CBFB: variants seen among roughly 807,000 people sequenced by gnomAD.
The protein encoded by CBFB is CBF-beta.
A neutral mutation model predicts 30.4 loss-of-function variants in CBFB; 9 were observed. That is an observed-to-expected ratio of 0.30 (90% CI 0.18 to 0.52). The LOEUF is 0.52. Among genes scored for constraint, CBFB ranks in the 20% least tolerant of loss-of-function variants. CBFB has a pLI of 0.97. For missense variants in CBFB, 170 were observed against 244.0 expected (o/e 0.70, Z 2.02); for synonymous variants, 94 against 84.0 (o/e 1.12, Z -0.65).
At chr16:67,078,181 TTG>T (rs1961459644) in intron 4 of CBFB, among the ~76,000 whole-genome samples, 1 of 152,240 alleles carries the variant, frequency 6.6e-6, no homozygotes, top group Non-Finnish European at 1.5e-5. Flanking sequence ...TAATTGCTGA[TTG>T]TCTTTCCATT....
intron 5 of CBFB, among the ~76,000 whole-genome samples, chr16:67,088,382 T>C (rs902167374): frequency 6.6e-5 from 10 of 152,224 alleles, no homozygotes; most frequent in Non-Finnish European, 2.9e-5. Flanking sequence ...TCAAACATCA[T>C]CTAATCTAAC....
At chr16:67,068,712 G>A (rs1961129874) in intron 4 of CBFB, among the ~76,000 whole-genome samples, 1 of 152,124 alleles carries the variant, frequency 6.6e-6, no homozygotes, top group South Asian at 2.1e-4. Context: ...ATACAAAGGT[G>A]AAAAAGCAAG....
intron 5 of CBFB, 109 bp from the exon 6 acceptor site, chr16:67,098,601 C>A: frequency 1.6e-6 from 1 of 619,790 alleles, no homozygotes; most frequent in Non-Finnish European, 2.9e-6. Flanking sequence ...TGGCTGAAAA[C>A]TTTTTAGTTA....
intron 3 of CBFB, among the ~76,000 whole-genome samples, chr16:67,055,357 C>CTTTCTTTTTTTTTTTTTTTTTT (rs1484285498): frequency 1.2e-4 from 10 of 81,474 alleles, no homozygotes; most frequent in African/African-American, 5.4e-4. Context: ...CAGACACTTT[C>CTTTCTTTTTTTTTTTTTTTTTT]TTTTTTTTTT....
intron 5 of CBFB, among the ~76,000 whole-genome samples, chr16:67,092,548 CAGATCTCTCAAGTACT>C (rs1450366126): frequency 6.6e-6 from 1 of 152,030 alleles, no homozygotes; most frequent in Non-Finnish European, 1.5e-5. Flanking sequence ...AGAGTTGAAT[CAGATCTCTCAAGTACT>C]TTGCCACTCT....
At chr16:67,058,600 G>T (rs1960801297) in intron 3 of CBFB, among the ~76,000 whole-genome samples, 1 of 152,130 alleles carries the variant, frequency 6.6e-6, no homozygotes, top group South Asian at 2.1e-4. Flanking sequence ...CCTGCACATA[G>T]TTAACAGGTA....
At chr16:67,075,197 ATG>A (rs57425666) in intron 4 of CBFB, among the ~76,000 whole-genome samples, 2,136 of 142,724 alleles carry the variant, frequency 0.015, 36 homozygotes, top group East Asian at 0.055. Flanking sequence ...CTCAAAAAAA[ATG>A]TGTGTGTGTG....
chr16:67,052,445 G>A (rs1161296446), intron 3 of CBFB, among the ~76,000 whole-genome samples: 1 of 151,808 alleles, frequency 6.6e-6, no homozygotes, highest in African/African-American at 2.4e-5. Flanking sequence ...GCATAGTGGG[G>A]TGTGCCTGTA....
intron 4 of CBFB, among the ~76,000 whole-genome samples, chr16:67,076,424 G>C (rs1321210064): frequency 1.3e-5 from 2 of 152,072 alleles, no homozygotes; most frequent in African/African-American, 2.4e-5. Context: ...CATGTTATAT[G>C]AATCGATTTA....
rs908580019 is a variant in CBFB, at chr16:67,059,918, C to A, written c.283-6764C>A. On this transcript the variant is annotated intron_variant, in intron 3 of 5. Transcript: ENST00000412916. Reference sequence around the variant, plus strand: ...CTTGATTTGGATATCTCATAGATATCCCTTATATGTAGCAGATAAAAATTG... The same window carrying A: ...CTTGATTTGGATATCTCATAGATATACCTTATATGTAGCAGATAAAAATTG... Among the ~76,000 whole-genome samples the A allele has an allele frequency of 5.8e-4, 88 of 152,064 alleles. 1 individual carries two copies. The highest frequency in any genetic ancestry group is 2.0e-3 in the African/African-American group (83 of 41,492).
chr16:67,088,606 C>T (rs1374481649), intron 5 of CBFB, among the ~76,000 whole-genome samples: 3 of 152,182 alleles, frequency 2.0e-5, no homozygotes, highest in Non-Finnish European at 4.4e-5. Flanking sequence ...AGATTAAGAA[C>T]CGTTTTGCCT....
chr16:67,098,342 G>T (rs992297911), intron 5 of CBFB, among the ~76,000 whole-genome samples: 1 of 152,054 alleles, frequency 6.6e-6, no homozygotes, highest in Non-Finnish European at 1.5e-5. Context: ...TCACCATTTT[G>T]GCCAGGCTGG....
chr16:67,082,111 G>T (rs1349908174), intron 4 of CBFB, 102 bp from the exon 5 acceptor site: 2 of 925,314 alleles, frequency 2.2e-6, no homozygotes, highest in Non-Finnish European at 3.0e-6. Context: ...GAGCCACTGC[G>T]CCCGGCCACT....
At chr16:67,058,314 T>C (rs1302393993) in intron 3 of CBFB, among the ~76,000 whole-genome samples, 2 of 152,200 alleles carry the variant, frequency 1.3e-5, no homozygotes, top group Non-Finnish European at 2.9e-5. Context: ...CTAATTTTTG[T>C]ATTTTTAGTA....
At chr16:67,082,556 A>G (rs1961595675) in intron 5 of CBFB, among the ~76,000 whole-genome samples, 1 of 152,170 alleles carries the variant, frequency 6.6e-6, no homozygotes, top group African/African-American at 2.4e-5. Context: ...ATAATAAGGT[A>G]TATTTTCTCT....
In CBFB at chr16:67,083,967, T is replaced by G. The variant is rs180743954; in HGVS notation, c.495+1659T>G. 1.3e-4 allele frequency among the ~76,000 whole-genome samples: 20 copies of G among 152,004 alleles called. No individual in the cohort carries two copies. In the East Asian group the frequency reaches 3.9e-3, roughly 29 times the overall value. On this transcript the variant is annotated intron_variant, in intron 5 of 5. Coordinates refer to ENST00000412916, the MANE Select transcript of CBFB (RefSeq NM_022845.3). Reference sequence around the variant, plus strand: ...GAGGATTGCTTGAGGCTGGGAATTTTAGACCATCTTGGGCAAAATAGCAAG... The same window carrying G: ...GAGGATTGCTTGAGGCTGGGAATTTGAGACCATCTTGGGCAAAATAGCAAG...
At chr16:67,033,526 G>A (rs375990017) in intron 2 of CBFB, among the ~76,000 whole-genome samples, 2 of 151,380 alleles carry the variant, frequency 1.3e-5, no homozygotes, top group East Asian at 3.9e-4. Context: ...CACCATGTTG[G>A]CCAGGCTGGT....
Position 67,029,732 on chromosome 16 carries a change from G to C in CBFB, c.84G>C (p.Lys28Asn), listed in dbSNP as rs762985110. The change falls in exon 2 of 6, where the codon AAG becomes AAC. Residue 28 changes from lysine to asparagine, a missense_variant. Physicochemically the swap from Lys to Asn is moderately conservative, Grantham distance 94. Coordinates refer to ENST00000412916, the MANE Select transcript of CBFB (RefSeq NM_022845.3). The stretch of plus-strand genomic sequence containing the variant: ...CGGGCCGTCTTGCCTTGCAGATTAA[G>C]TACACGGGCTTCAGGGACCGGCCCC... Reference protein sequence around the residue: ...FRKLSRECEIKYTGFRDRPHE... With the variant: ...FRKLSRECEINYTGFRDRPHE... 1 of 1,594,256 alleles carries C rather than the reference G, an allele frequency of 6.3e-7. No homozygotes were observed. The highest frequency in any genetic ancestry group is 1.4e-5 in the African/African-American group (1 of 72,224).
chr16:67,038,698 G>T (rs1049311837), intron 3 of CBFB, among the ~76,000 whole-genome samples: 2 of 140,754 alleles, frequency 1.4e-5, no homozygotes, highest in Non-Finnish European at 3.1e-5. Flanking sequence ...ACTAAATGAA[G>T]AAATTATTTT....
Sources: gnomAD v4.1 joint callset for allele counts (sites outside exome capture counted in the v4.1 genomes callset) on GRCh38, gnomAD v4.1.1 for gene constraint, MANE v1.5 for transcripts, NCBI Gene and HGNC (gene_info 2026-07-23, HGNC 2026-07-21) for gene names.